Variants in NTM observed in about 807,000 individuals in gnomAD.
NTM encodes neurotrimin, also known as IgLON family member 2.
Under a neutral mutation model 42.1 loss-of-function variants are expected in NTM, and 13 were observed. That is an observed-to-expected ratio of 0.31 (90% CI 0.20 to 0.49). NTM has a LOEUF of 0.49. Ranked by LOEUF, NTM falls within the 20% of genes least tolerant of loss-of-function variation. NTM has a pLI of 0.99. For synonymous variants in NTM, 187 were observed against 179.2 expected (o/e 1.04, Z -0.35); for missense variants, 373 against 452.8 (o/e 0.82, Z 1.60).
chr11:132,256,802 G>A (rs531544866), intron 4 of NTM, among the ~76,000 whole-genome samples: 12 of 152,282 alleles, frequency 7.9e-5, no homozygotes, highest in Admixed American at 4.6e-4. Flanking sequence ...TGGCCCCAGC[G>A]ATTCCAGCCG....
intron 1 of NTM, among the ~76,000 whole-genome samples, chr11:131,673,916 C>T (rs1386204837): frequency 2.0e-5 from 3 of 152,182 alleles, no homozygotes; most frequent in Admixed American, 2.0e-4. Context: ...GTGTCAGACT[C>T]TGATGGGTTG....
intron 3 of NTM, among the ~76,000 whole-genome samples, chr11:132,187,884 T>A (rs181282129): frequency 2.0e-5 from 3 of 152,158 alleles, no homozygotes; most frequent in Non-Finnish European, 2.9e-5. Context: ...AAGAGAGTGA[T>A]ACGTAGGAGA....
intron 1 of NTM, among the ~76,000 whole-genome samples, chr11:131,398,587 C>T (rs1470311276): frequency 2.0e-5 from 3 of 152,198 alleles, no homozygotes; most frequent in African/African-American, 4.8e-5. Context: ...TACAATACCA[C>T]TGCACTGTGT....
intron 1 of NTM, among the ~76,000 whole-genome samples, chr11:131,430,051 C>T (rs923224691): frequency 2.0e-5 from 3 of 152,196 alleles, no homozygotes; most frequent in Non-Finnish European, 2.9e-5. Context: ...GGCCTTTACT[C>T]ATTCATTAAA....
At chr11:131,379,967 G>T (rs1002008428) in intron 1 of NTM, among the ~76,000 whole-genome samples, 2 of 152,104 alleles carry the variant, frequency 1.3e-5, no homozygotes, top group Non-Finnish European at 2.9e-5. Context: ...CAAGTAGAAT[G>T]AAGTCTCAGC....
intron 1 of NTM, among the ~76,000 whole-genome samples, chr11:131,531,165 C>G (rs1448386556): frequency 6.6e-6 from 1 of 152,200 alleles, no homozygotes; most frequent in Non-Finnish European, 1.5e-5. Context: ...TAGACAGGAT[C>G]TCACTTTGTT....
intron 1 of NTM, among the ~76,000 whole-genome samples, chr11:131,753,044 GAA>G (rs927991701): frequency 8.5e-6 from 1 of 117,940 alleles, no homozygotes; most frequent in Non-Finnish European, 1.8e-5. Flanking sequence ...AAATTTACAA[GAA>G]AAAAACAAAC....
intron 2 of NTM, among the ~76,000 whole-genome samples, chr11:132,095,662 C>T (rs1591481492): frequency 6.6e-6 from 1 of 152,148 alleles, no homozygotes; most frequent in Admixed American, 6.5e-5. Flanking sequence ...GGACTCCATC[C>T]CCCAGCCATC....
rs535853804 is a variant in NTM, at chr11:131,621,917, G to A, written c.82+251029G>A. On this transcript the variant is annotated intron_variant, in intron 1 of 8. Transcript: ENST00000683400. ...CGAGAAACAGGGCCAATATTTGGGG[G>A]CCTAGATAACAAAGAACCATATAGA... is the stretch of plus-strand genomic sequence containing the variant. 5.3e-5 allele frequency among the ~76,000 whole-genome samples: 8 copies of A among 152,180 alleles called. No homozygotes were observed. The South Asian group carries it at 1.5e-3, about 28-fold the overall frequency.
intron 1 of NTM, among the ~76,000 whole-genome samples, chr11:131,604,684 C>CTATT (rs2060779837): frequency 8.5e-6 from 1 of 117,796 alleles, no homozygotes; most frequent in Non-Finnish European, 1.7e-5. Flanking sequence ...TGTCAAGGTC[C>CTATT]ATGGTAAAAT....
At chr11:131,510,766 C>A (rs117466972) in intron 1 of NTM, among the ~76,000 whole-genome samples, 4,185 of 152,288 alleles carry the variant, frequency 0.027, 82 homozygotes, top group Middle Eastern at 0.075. Flanking sequence ...CCCAGTTTTG[C>A]AGTCAAGGTT....
chr11:132,281,490 A>G (rs2093969488), intron 4 of NTM, among the ~76,000 whole-genome samples: 4 of 152,376 alleles, frequency 2.6e-5, no homozygotes, highest in Admixed American at 2.0e-4. Flanking sequence ...ACATTTGTTC[A>G]TCTTCAAATC....
rs541956360 is a variant in NTM, at chr11:131,821,026, T to G, written c.83-90538T>G. Among the ~76,000 whole-genome samples, 16 of 70,036 alleles carry G rather than the reference T, an allele frequency of 2.3e-4. No individual in the cohort carries two copies. The East Asian group carries it at 2.9e-3, about 13-fold the overall frequency. 45.9% of individuals were successfully genotyped at this position (70,036 alleles called of 152,430 possible). ...GTAACACCAAGATGCCTCCAAAGGGTTTTTTTTTTTTTCTAATTATGTAAT... is the reference window on the plus strand; with the variant it reads ...GTAACACCAAGATGCCTCCAAAGGGGTTTTTTTTTTTTCTAATTATGTAAT... On this transcript the variant is annotated intron_variant, in intron 1 of 8. Transcript: ENST00000683400.
At chr11:132,056,600 G>C (rs1479689676) in intron 2 of NTM, among the ~76,000 whole-genome samples, 1 of 152,226 alleles carries the variant, frequency 6.6e-6, no homozygotes, top group Non-Finnish European at 1.5e-5. Flanking sequence ...AATGAATGGA[G>C]AGACAAGGAG....
At chr11:131,740,277 G>A (rs554960969) in intron 1 of NTM, among the ~76,000 whole-genome samples, 6 of 152,278 alleles carry the variant, frequency 3.9e-5, no homozygotes, top group African/African-American at 1.2e-4. Context: ...TGTAAAATAA[G>A]GGTAATAACT....
At chr11:132,153,965 T>C (rs1293977341) in intron 3 of NTM, among the ~76,000 whole-genome samples, 3 of 152,210 alleles carry the variant, frequency 2.0e-5, no homozygotes, top group Non-Finnish European at 4.4e-5. Context: ...GGGTCTTCAA[T>C]GGGCAGTAGA....
At chr11:132,022,686 G>A (rs2074530516) in intron 2 of NTM, among the ~76,000 whole-genome samples, 1 of 152,200 alleles carries the variant, frequency 6.6e-6, no homozygotes, top group African/African-American at 2.4e-5. Flanking sequence ...GTTAAACTCA[G>A]GGGAAACATT....
chr11:131,463,162 C>T (rs1157338556), intron 1 of NTM, among the ~76,000 whole-genome samples: 9 of 152,220 alleles, frequency 5.9e-5, no homozygotes, highest in Admixed American at 5.2e-4. Context: ...ACAGGAGCAA[C>T]ATTCCATCCT....
chr11:131,718,643 C>T, intron 1 of NTM, among the ~76,000 whole-genome samples: 1 of 152,138 alleles, frequency 6.6e-6, no homozygotes, highest in East Asian at 1.9e-4. Flanking sequence ...ATGCCCTGAT[C>T]AGTCCTCTGC....
Sources: gnomAD v4.1 joint callset for allele counts (sites outside exome capture counted in the v4.1 genomes callset) on GRCh38, gnomAD v4.1.1 for gene constraint, MANE v1.5 for transcripts, NCBI Gene and HGNC (gene_info 2026-07-23, HGNC 2026-07-21) for gene names.